Variants in INTS2 observed in about 807,000 individuals in gnomAD.
The protein encoded by INTS2 is KIAA1287.
In INTS2, 57 loss-of-function variants were observed where a neutral mutation model predicts 139.6. The ratio of observed to expected loss-of-function variants is 0.41; its 90% CI spans 0.33 to 0.51. The LOEUF is 0.51. INTS2 is among the 20% of genes least tolerant of loss of function. INTS2 has a pLI of 0.28. For missense variants in INTS2, 1,196 were observed against 1,436.7 expected (o/e 0.83, Z 2.71); for synonymous variants, 473 against 493.4 (o/e 0.96, Z 0.55).
chr17:61,888,564 C>A (rs941027787), intron 15 of INTS2, among the ~76,000 whole-genome samples: 1 of 119,596 alleles, frequency 8.4e-6, no homozygotes, highest in Non-Finnish European at 1.8e-5. Context: ...TGTGTGCGTG[C>A]GTGTGTGTGT....
At position 61,891,592 on chromosome 17, in the gene INTS2, G is replaced by A. The variant is rs745439048; in HGVS notation, c.1796C>T (p.Ala599Val). ...DVYINSILTP[A>V]SKSNPEATNQ... ...TGTGGCTTCTGGATTAGATTTCGAC[G>A]CAGGAGTAAGTATAGAATTTATGTA... The change falls in exon 14 of 25, where the codon GCG becomes GTG. Residue 599 changes from alanine to valine, a missense_variant. Physicochemically the swap from Ala to Val is moderately conservative, Grantham distance 64. Around this residue, in one of 3 missense-constraint regions of INTS2, gnomAD observed 1,129 missense variants for 1,341.9 expected, o/e 0.84. Transcript: ENST00000251334. The A allele has an allele frequency of 1.5e-5, 25 of 1,613,292 alleles. No individual in the cohort carries two copies. The highest frequency in any genetic ancestry group is 1.0e-4 in the Admixed American group (6 of 59,986).
chr17:61,895,765 GACAC>G (rs1431144529), intron 11 of INTS2, among the ~76,000 whole-genome samples: 2 of 151,774 alleles, frequency 1.3e-5, no homozygotes, highest in African/African-American at 4.8e-5. Flanking sequence ...TGTACAGATA[GACAC>G]ACATACACTT....
intron 1 of INTS2, chr17:61,926,961 T>C (rs2079722226): frequency 5.1e-6 from 2 of 392,492 alleles, no homozygotes; most frequent in Admixed American, 4.1e-5. Context: ...ACGCCCAAAA[T>C]AGTATTACTA....
intron 5 of INTS2, among the ~76,000 whole-genome samples, chr17:61,916,253 T>G (rs944786923): frequency 5.3e-5 from 8 of 151,928 alleles, no homozygotes; most frequent in African/African-American, 1.7e-4. Flanking sequence ...GCTAACACAG[T>G]GAAACCCCAT....
intron 11 of INTS2, 78 bp from the exon 12 acceptor site, chr17:61,895,461 G>A: frequency 1.3e-6 from 1 of 795,868 alleles, no homozygotes; most frequent in East Asian, 2.9e-5. Flanking sequence ...TATCTAAAAT[G>A]GCTATGATAC....
chr17:61,918,961 G>A (rs953860902), intron 5 of INTS2, among the ~76,000 whole-genome samples: 1 of 130,540 alleles, frequency 7.7e-6, no homozygotes, highest in Non-Finnish European at 1.5e-5. Context: ...GTCTCGCCCT[G>A]TCGCCCAGGC....
intron 7 of INTS2, among the ~76,000 whole-genome samples, chr17:61,908,273 G>C (rs1421590544): frequency 6.6e-6 from 1 of 152,070 alleles, no homozygotes; most frequent in Non-Finnish European, 1.5e-5. Flanking sequence ...AAATTAGCTG[G>C]GTGTGGTGGT....
intron 16 of INTS2, among the ~76,000 whole-genome samples, chr17:61,883,997 T>TAAAG (rs1402201999): frequency 3.1e-5 from 4 of 130,280 alleles, no homozygotes; most frequent in Non-Finnish European, 1.7e-5. Context: ...ACCCTTTCCC[T>TAAAG]AAAGAAAAAA....
At chr17:61,905,493 AT>A (rs1287649076) in intron 8 of INTS2, among the ~76,000 whole-genome samples, 1 of 151,748 alleles carries the variant, frequency 6.6e-6, no homozygotes, top group East Asian at 1.9e-4. Flanking sequence ...TTCCCAGCTA[AT>A]TTTTGTATTT....
In INTS2 at chr17:61,927,899, G is replaced by C. The variant is rs775491484; in HGVS notation, c.-264C>G. Reference sequence around the variant, plus strand: ...AGGCAGAACCGGGACTGTAGGAACGGAAAAGCGGGAGACTTTTTCAACCTG... The same window carrying C: ...AGGCAGAACCGGGACTGTAGGAACGCAAAAGCGGGAGACTTTTTCAACCTG... On this transcript the variant is annotated 5_prime_UTR_variant, in exon 1 of 25. Coordinates refer to ENST00000251334, the MANE Select transcript of INTS2 (RefSeq NM_001351695.2). The C allele has an allele frequency of 2.5e-6, 4 of 1,613,922 alleles. No individual in the cohort carries two copies. The East Asian group carries it at 8.9e-5, about 36-fold the overall frequency.
intron 5 of INTS2, among the ~76,000 whole-genome samples, chr17:61,914,702 C>CAAAA (rs58141533): frequency 2.0e-5 from 1 of 49,354 alleles, no homozygotes; most frequent in Admixed American, 2.3e-4. Flanking sequence ...GACTCCGTCT[C>CAAAA]AAAAAAAAAA....
chr17:61,905,337 T>C (rs529953894), intron 8 of INTS2, among the ~76,000 whole-genome samples: 1 of 152,156 alleles, frequency 6.6e-6, no homozygotes, highest in East Asian at 1.9e-4. Context: ...TCTTTCTTTC[T>C]TTTTTTTGAG....
At position 61,919,612 on chromosome 17, in the gene INTS2, T is replaced by C. The variant is rs2079618770; in HGVS notation, c.536-99A>G. ...TTTCTGTGGAGACTGAATCTCACTG[T>C]GTTGCCCAGGTGGGTCTCAAACTTT... On this transcript the variant is annotated intron_variant, in intron 4 of 24. Transcript: ENST00000251334. 4 of 663,268 alleles carry C rather than the reference T, an allele frequency of 6.0e-6. No individual in the cohort carries two copies. In the Admixed American group the frequency reaches 1.0e-4, roughly 17 times the overall value. 41.1% of individuals were successfully genotyped at this position (663,268 alleles called of 1,614,324 possible). A position where few individuals can be genotyped will look rare whatever the true frequency, so the allele number is the denominator to read the frequency against.
chr17:61,884,424 T>C (rs1567895017), intron 16 of INTS2, among the ~76,000 whole-genome samples: 1 of 151,484 alleles, frequency 6.6e-6, no homozygotes. Flanking sequence ...ACCCAGGAGG[T>C]GGGGGTTACA....
intron 17 of INTS2, among the ~76,000 whole-genome samples, 194 bp downstream of exon 17, chr17:61,880,813 G>GA (rs1241648071): frequency 8.5e-6 from 1 of 117,198 alleles, no homozygotes; most frequent in Non-Finnish European, 1.7e-5. Flanking sequence ...GGGAAAGGGG[G>GA]AAAGGAGGAA....
intron 16 of INTS2, among the ~76,000 whole-genome samples, 162 bp downstream of exon 16, chr17:61,884,739 G>A (rs2079209849): frequency 6.6e-6 from 1 of 152,060 alleles, no homozygotes; most frequent in South Asian, 2.1e-4. Flanking sequence ...AGGCTGGTTT[G>A]CAATAACTGA....
intron 17 of INTS2, among the ~76,000 whole-genome samples, chr17:61,880,580 C>T (rs543251685): frequency 6.6e-6 from 1 of 151,866 alleles, no homozygotes; most frequent in Admixed American, 6.6e-5. Context: ...GGTGAAACCC[C>T]ATCTCTACAA....
In INTS2 at chr17:61,869,629, G is replaced by T; in HGVS notation, c.3030+108C>A. 1 of 1,313,068 alleles carries T rather than the reference G, an allele frequency of 7.6e-7. No individual in the cohort carries two copies. The allele number at this position is 1,313,068 out of a possible 1,614,324, so 81.3% of individuals were successfully genotyped here. A position where few individuals can be genotyped will look rare whatever the true frequency, so the allele number is the denominator to read the frequency against. On this transcript the variant is annotated intron_variant, in intron 21 of 24. Coordinates refer to ENST00000251334, the MANE Select transcript of INTS2 (RefSeq NM_001351695.2). The surrounding 1 kb of genome is among the most constrained non-coding windows in gnomAD (Gnocchi z 5.4). Reference sequence around the variant, plus strand: ...TTTCTCCATATTGCAAAAGCCCATGGATCATTTGTGTTTTCTCTGGTTTCT... The same window carrying T: ...TTTCTCCATATTGCAAAAGCCCATGTATCATTTGTGTTTTCTCTGGTTTCT...
chr17:61,888,572 T>C (rs200169703), intron 15 of INTS2, among the ~76,000 whole-genome samples: 1,127 of 112,146 alleles, frequency 0.01, 3 homozygotes, highest in Middle Eastern at 0.016. Flanking sequence ...TGCGTGTGTG[T>C]GTGTGTGTGT....
Sources: allele counts gnomAD v4.1 joint callset (sites outside exome capture counted in the v4.1 genomes callset), GRCh38; gene constraint gnomAD v4.1.1; regional missense constraint gnomAD v4.1.1; non-coding constraint Gnocchi (gnomAD v3.1); transcripts MANE v1.5; gene names NCBI Gene and HGNC (gene_info 2026-07-23, HGNC 2026-07-21).